Variants in RNF123 observed in about 807,000 individuals in gnomAD.
The protein encoded by RNF123 is E3 ubiquitin-protein ligase RNF123.
In RNF123, 86 loss-of-function variants were observed where a neutral mutation model predicts 168.5. That is an observed-to-expected ratio of 0.51 (90% CI 0.43 to 0.61). The LOEUF (loss-of-function observed/expected upper bound fraction) is 0.61, where lower values mean the gene tolerates loss of function less well. RNF123 is among the 20% of genes least tolerant of loss of function. RNF123 has a pLI of 0.00. For missense variants in RNF123, 1,419 were observed against 1,729.7 expected, an observed-to-expected ratio of 0.82 and a Z score of 3.19; for synonymous variants, 666 against 689.1, an observed-to-expected ratio of 0.97 and a Z score of 0.52.
chr3:49,696,667 A>C (rs1331547049), intron 3 of RNF123, among the ~76,000 whole-genome samples: 1 of 119,354 alleles, frequency 8.4e-6, no homozygotes, highest in Non-Finnish European at 1.7e-5. Context: ...TTTTTGAGAC[A>C]GAGTCTTACT....
rs1212144130 is a variant in RNF123 at position 49,698,512 on chromosome 3, A to G, written c.556A>G (p.Thr186Ala). 5.6e-6 allele frequency: 9 copies of G among 1,613,956 alleles called. No individual in the cohort carries two copies. Among genetic ancestry groups the G allele is most frequent in the Middle Eastern group, 1.6e-4 (1 of 6,062 alleles). The change falls in exon 8 of 39, where the codon ACG becomes GCG. Residue 186 changes from threonine to alanine, a missense_variant. This residue lies in a region of RNF123 where 318 missense variants were observed against 446.6 expected (regional missense o/e 0.71). Coordinates refer to ENST00000327697, the MANE Select transcript of RNF123 (RefSeq NM_022064.5). ...NRVRKWNVTTTNYGKAWAAGD... is the reference protein window; with the variant it reads ...NRVRKWNVTTANYGKAWAAGD... ...CGTGCGCAAGTGGAATGTGACCACAACGAATTATGGCAAGGTGAGAGCCAA... is the reference window on the plus strand; with the variant it reads ...CGTGCGCAAGTGGAATGTGACCACAGCGAATTATGGCAAGGTGAGAGCCAA...
chr3:49,717,011 A>G (rs2080259994), intron 35 of RNF123: 3 of 155,388 alleles, frequency 1.9e-5, no homozygotes, highest in Non-Finnish European at 4.3e-5. Context: ...GTACCGCCTC[A>G]GCCATTAGGC....
intron 35 of RNF123, 136 bp downstream of exon 35, chr3:49,716,613 G>A (rs1407687170): frequency 1.3e-6 from 1 of 768,546 alleles, no homozygotes; most frequent in East Asian, 2.5e-5. Context: ...CAGAGGGAAG[G>A]TGGTGAGGTG....
At chr3:49,692,538 T>C (rs1280579505) in intron 3 of RNF123, among the ~76,000 whole-genome samples, 1 of 152,232 alleles carries the variant, frequency 6.6e-6, no homozygotes, top group South Asian at 2.1e-4. Context: ...TATTATTTAC[T>C]ATAGTCACTC....
At position 49,702,753 on chromosome 3, in the gene RNF123, G is replaced by T. The variant is rs2054432111; in HGVS notation, c.1750G>T (p.Glu584Ter). ...CAATCCTCATGCTTCCTTCAGTGAG[G>T]GTGAGTGGCACCGGGGTCCCAGGTC... ...ASNPHASFSE[E>*]AYIPPQVFYN... The change falls in exon 20 of 39, where the codon GAG (glutamate) becomes TAG (stop). Residue 584 changes from glutamate (E) to a stop codon, truncating the protein, a stop_gained and splice_region_variant. Transcript: ENST00000327697. LOFTEE classifies it high-confidence loss of function. The T allele has an allele frequency of 2.5e-6, 4 of 1,614,014 alleles. No individual in the cohort carries two copies. In the African/African-American group the frequency reaches 4.0e-5, roughly 16 times the overall value.
chr3:49,707,684 A>C (rs147980322), intron 26 of RNF123, among the ~76,000 whole-genome samples: 1 of 151,646 alleles, frequency 6.6e-6, no homozygotes, highest in African/African-American at 2.4e-5. Context: ...CCCCATTTCT[A>C]TCATCTCTGC....
chr3:49,713,826 G>A lies in RNF123; in HGVS notation c.2837+1G>A, dbSNP rs199985742. On this transcript the variant is annotated splice_donor_variant, in intron 29 of 38. Coordinates refer to ENST00000327697, the MANE Select transcript of RNF123 (RefSeq NM_022064.5). LOFTEE classifies it high-confidence loss of function. ...CTGTGGAGCGAATCCCCGAGGAGCA[G>A]TGAGTGGGGCCTGGGGGGCACACAC... The A allele has an allele frequency of 6.2e-7, 1 of 1,613,266 alleles. No individual in the cohort carries two copies. Among genetic ancestry groups the A allele is most frequent in the Non-Finnish European group, 8.5e-7 (1 of 1,179,836 alleles).
At chr3:49,696,789 C>T (rs1241547710) in intron 3 of RNF123, among the ~76,000 whole-genome samples, 3 of 151,700 alleles carry the variant, frequency 2.0e-5, no homozygotes, top group South Asian at 2.1e-4. Flanking sequence ...TGGGATTATA[C>T]GCATGCGCCA....
In RNF123 at chr3:49,691,498, A is replaced by G; in HGVS notation, c.156A>G (p.Ala52=). ...IFSSSEHAPP[A]ATSRKPLNFQ... ...CCTCTTCTGAACATGCACCCCCAGCAGCCACCAGCAGGTATGGCTGGGTGG... is the reference window on the plus strand; with the variant it reads ...CCTCTTCTGAACATGCACCCCCAGCGGCCACCAGCAGGTATGGCTGGGTGG... The change falls in exon 3 of 39, where the codon GCA becomes GCG. Residue 52 remains alanine (A), a synonymous_variant. Transcript: ENST00000327697. 6.2e-7 allele frequency: 1 copy of G among 1,614,116 alleles called. No homozygotes were observed. Among genetic ancestry groups the G allele is most frequent in the East Asian group, 2.2e-5 (1 of 44,886 alleles).
rs766082725 is a variant in RNF123, at chr3:49,705,634, G to A, written c.2259G>A (p.Gly753=). ...ACTCGCTGCTGGAAGTCCTGGATGG[G>A]GCGGTCATGATGTACAACCTCAGCG... The part of the protein sequence containing the change: ...TENSLLEVLD[G]AVMMYNLSVH... Residue 753 remains glycine, a synonymous_variant, in exon 24 of 39, where the codon GGG becomes GGA. Coordinates refer to ENST00000327697, the MANE Select transcript of RNF123 (RefSeq NM_022064.5). 8 of 1,614,084 alleles carry A rather than the reference G, an allele frequency of 5.0e-6. No individual in the cohort carries two copies. Among genetic ancestry groups the A allele is most frequent in the African/African-American group, 1.3e-5 (1 of 74,946 alleles).
intron 28 of RNF123, 46 bp from the exon 29 acceptor site, chr3:49,713,692 C>T (rs1345102234): frequency 6.4e-7 from 1 of 1,573,728 alleles, no homozygotes; most frequent in South Asian, 1.2e-5. Flanking sequence ...AGTATGGGTC[C>T]AGGGCTCATG....
At chr3:49,713,128 A>G in intron 27 of RNF123, 2 of 598,344 alleles carry the variant, frequency 3.3e-6, no homozygotes, top group Middle Eastern at 3.8e-4. Flanking sequence ...GTGGCAGTGT[A>G]TGTCTGGATC....
At position 49,713,724 on chromosome 3, in the gene RNF123, G is replaced by A; in HGVS notation, c.2750-14G>A. The A allele has an allele frequency of 1.3e-6, 2 of 1,591,212 alleles. No individual in the cohort carries two copies. Among genetic ancestry groups the A allele is most frequent in the Non-Finnish European group, 1.7e-6 (2 of 1,168,990 alleles). ...CATGCCAAGCCCCTGCTGAGGCACG[G>A]TGTGTCCCCGCAGACATCCGAGACT... On this transcript the variant is annotated splice_polypyrimidine_tract_variant and intron_variant, in intron 28 of 38. Transcript: ENST00000327697.
At chr3:49,705,372 C>A (rs2054494413) in intron 23 of RNF123, among the ~76,000 whole-genome samples, 162 bp from the exon 24 acceptor site, 2 of 152,212 alleles carry the variant, frequency 1.3e-5, no homozygotes, top group South Asian at 4.1e-4. Flanking sequence ...GCACCGCAGG[C>A]CTTGCCCTGC....
chr3:49,719,370 G>A (rs943646528), intron 35 of RNF123: 5 of 1,613,646 alleles, frequency 3.1e-6, no homozygotes, highest in East Asian at 2.2e-5. Flanking sequence ...AGGGGCAGTT[G>A]TGGAGCGCAC....
At chr3:49,719,233 GGGCGCA>G in intron 35 of RNF123, 1 of 1,613,136 alleles carries the variant, frequency 6.2e-7, no homozygotes, top group Non-Finnish European at 8.5e-7. Flanking sequence ...CAACCAGCCG[GGGCGCA>G]GGCGCTGGAG....
At chr3:49,709,286 C>T (rs1575533603) in intron 26 of RNF123, among the ~76,000 whole-genome samples, 1 of 151,046 alleles carries the variant, frequency 6.6e-6, no homozygotes, top group African/African-American at 2.4e-5. Context: ...CATGTGCCAC[C>T]ACGCCCAGCT....
At position 49,699,962 on chromosome 3, in the gene RNF123, G is replaced by A. The variant is rs2054345557; in HGVS notation, c.984+190G>A. On this transcript the variant is annotated intron_variant, in intron 12 of 38. Coordinates refer to ENST00000327697, the MANE Select transcript of RNF123 (RefSeq NM_022064.5). The surrounding 1 kb of genome is among the most constrained non-coding windows in gnomAD (Gnocchi z 4.8). Reference sequence around the variant, plus strand: ...GAAACAGGGACATTGCCAACCAAGGGCATCAGGGGATGTCCTGGAAAGAAG... The same window carrying A: ...GAAACAGGGACATTGCCAACCAAGGACATCAGGGGATGTCCTGGAAAGAAG... 5.8e-6 allele frequency: 4 copies of A among 687,796 alleles called. No homozygotes were observed. The highest frequency in any genetic ancestry group is 9.8e-6 in the Non-Finnish European group (4 of 408,924). The allele number at this position is 687,796 out of a possible 1,614,324, so 42.6% of individuals were successfully genotyped here.
intron 25 of RNF123, 94 bp downstream of exon 25, chr3:49,706,159 T>C (rs888887838): frequency 1.4e-5 from 16 of 1,109,608 alleles, no homozygotes; most frequent in Non-Finnish European, 2.2e-5. Context: ...CTGGCAGTTC[T>C]CATCCCCACT....
Sources: allele counts gnomAD v4.1 joint callset (sites outside exome capture counted in the v4.1 genomes callset), GRCh38; gene constraint gnomAD v4.1.1; regional missense constraint gnomAD v4.1.1; non-coding constraint Gnocchi (gnomAD v3.1); transcripts MANE v1.5; gene names NCBI Gene and HGNC (gene_info 2026-07-23, HGNC 2026-07-21).